Variants in AGMO observed in about 807,000 individuals in gnomAD.
AGMO encodes glyceryl-ether monooxygenase.
A neutral mutation model predicts 60.2 loss-of-function variants in AGMO; 75 were observed. The observed-to-expected ratio is 1.25, with a 90% CI of 1.03 to 1.51. AGMO has a LOEUF of 1.51. Ranked by LOEUF, AGMO falls within the 40% of genes most tolerant of loss-of-function variation. AGMO has a pLI of 0.00. For synonymous variants in AGMO, 261 were observed against 177.1 expected (o/e 1.47, Z -3.76); for missense variants, 763 against 525.5 (o/e 1.45, Z -4.42).
intron 5 of AGMO, 79 bp downstream of exon 5, chr7:15,418,479 A>G (rs1266212664): frequency 1.2e-6 from 1 of 847,918 alleles, no homozygotes; most frequent in African/African-American, 1.8e-5. Context: ...TACACAATAA[A>G]TCATCTGCTA....
At chr7:15,426,256 T>G (rs1781058259) in intron 4 of AGMO, among the ~76,000 whole-genome samples, 1 of 152,232 alleles carries the variant, frequency 6.6e-6, no homozygotes, top group South Asian at 2.1e-4. Context: ...TCTATTTCAT[T>G]CATTTATGTA....
In AGMO at chr7:15,201,216, T is replaced by C; in HGVS notation, c.*69A>G. 1.0e-6 allele frequency: 1 copy of C among 985,458 alleles called. No homozygotes were observed. The highest frequency in any genetic ancestry group is 1.5e-6 in the Non-Finnish European group (1 of 669,308). 61.0% of individuals were successfully genotyped at this position (985,458 alleles called of 1,614,324 possible). Reference sequence around the variant, plus strand: ...ATAAGCATTACATAAAATAATTACATTTTAATATGCAGTCATAATATGCGT... The same window carrying C: ...ATAAGCATTACATAAAATAATTACACTTTAATATGCAGTCATAATATGCGT... On this transcript the variant is annotated 3_prime_UTR_variant, in exon 13 of 13. Transcript: ENST00000342526.
chr7:15,412,378 G>A (rs1047901806), intron 5 of AGMO, among the ~76,000 whole-genome samples: 2 of 151,918 alleles, frequency 1.3e-5, no homozygotes, highest in African/African-American at 2.4e-5. Flanking sequence ...GTTAGGAGTC[G>A]TAGGCCAAAT....
the AGMO span, among the ~76,000 whole-genome samples, chr7:15,181,761 T>A: frequency 6.6e-6 from 1 of 152,178 alleles, no homozygotes; most frequent in African/African-American, 2.4e-5. Context: ...ATAGTTTTAG[T>A]ATGTACAGCT....
chr7:15,252,345 T>C (rs1038520138), intron 12 of AGMO, among the ~76,000 whole-genome samples: 1 of 152,204 alleles, frequency 6.6e-6, no homozygotes, highest in African/African-American at 2.4e-5. Flanking sequence ...CCCTGTGATA[T>C]TCCTTCCCTT....
intron 3 of AGMO, among the ~76,000 whole-genome samples, chr7:15,445,934 A>G (rs544508919): frequency 4.8e-4 from 69 of 144,244 alleles, no homozygotes; most frequent in African/African-American, 1.7e-3. Flanking sequence ...CAAATACAAG[A>G]AAAAAAATCG....
At chr7:15,355,439 C>G (rs1284338366) in intron 12 of AGMO, among the ~76,000 whole-genome samples, 2 of 139,680 alleles carry the variant, frequency 1.4e-5, no homozygotes, top group Admixed American at 7.6e-5. Flanking sequence ...GGAGGTGGAG[C>G]TTGCAGTGAG....
At chr7:15,548,119 G>A (rs1453125484) in intron 2 of AGMO, among the ~76,000 whole-genome samples, 1 of 152,006 alleles carries the variant, frequency 6.6e-6, no homozygotes, top group Non-Finnish European at 1.5e-5. Flanking sequence ...TCTGTTAGAA[G>A]GAAAACTAAC....
chr7:15,256,340 A>T (rs930102175), intron 12 of AGMO, among the ~76,000 whole-genome samples: 2 of 152,076 alleles, frequency 1.3e-5, no homozygotes, highest in African/African-American at 4.8e-5. Context: ...TGAAATTTTT[A>T]TTTTTATTTT....
In AGMO at chr7:15,385,439, T is replaced by G; in HGVS notation, c.1074+7A>C. On this transcript the variant is annotated splice_region_variant and intron_variant, in intron 10 of 12. Transcript: ENST00000342526. ...TTCTCACACTACTTAAAATGGATAT[T>G]ACTTACAGCTGTATCTGCAAAGGTC... 6.6e-7 allele frequency: 1 copy of G among 1,516,020 alleles called. No individual in the cohort carries two copies. The highest frequency in any genetic ancestry group is 1.1e-5 in the South Asian group (1 of 87,644). 93.9% of individuals were successfully genotyped at this position (1,516,020 alleles called of 1,614,324 possible). A position where few individuals can be genotyped will look rare whatever the true frequency, so the allele number is the denominator to read the frequency against.
chr7:15,479,456 C>A (rs1782691450), intron 3 of AGMO, among the ~76,000 whole-genome samples: 1 of 152,198 alleles, frequency 6.6e-6, no homozygotes, highest in South Asian at 2.1e-4. Context: ...GAACTAGGAT[C>A]TCCAGACTCC....
intron 3 of AGMO, among the ~76,000 whole-genome samples, chr7:15,443,579 C>T (rs1437799178): frequency 6.6e-6 from 1 of 152,010 alleles, no homozygotes; most frequent in African/African-American, 2.4e-5. Flanking sequence ...GCCTTATTAC[C>T]TCAACACCAT....
chr7:15,382,379 T>A (rs1487103784), intron 10 of AGMO, among the ~76,000 whole-genome samples: 1 of 152,132 alleles, frequency 6.6e-6, no homozygotes, highest in Non-Finnish European at 1.5e-5. Context: ...TACCACTGTA[T>A]CCTGAGGGCA....
intron 5 of AGMO, among the ~76,000 whole-genome samples, chr7:15,396,804 A>G (rs1784408318): frequency 6.6e-6 from 1 of 152,068 alleles, no homozygotes; most frequent in Admixed American, 6.5e-5. Context: ...TCCGTTTTAC[A>G]GAGAGCTGAT....
At chr7:15,147,142 T>C in the AGMO span, among the ~76,000 whole-genome samples, 1 of 152,140 alleles carries the variant, frequency 6.6e-6, no homozygotes, top group Non-Finnish European at 1.5e-5. Context: ...AGGTGGCTCA[T>C]GGTTCAGGAC....
rs777376057 is a variant in AGMO at position 15,561,879 on chromosome 7, T to G, written c.-34A>C. ...TTGTCTGATTCCCAGCTGGAGAATA[T>G]TTAGGATTCAATGCTTGAAGCCTGA... On this transcript the variant is annotated 5_prime_UTR_variant, in exon 1 of 13. Transcript: ENST00000342526. The G allele has an allele frequency of 4.3e-5, 68 of 1,573,372 alleles. No individual in the cohort carries two copies. The highest frequency in any genetic ancestry group is 5.4e-5 in the Non-Finnish European group (62 of 1,156,324).
At chr7:15,246,245 T>G (rs961350459) in intron 12 of AGMO, among the ~76,000 whole-genome samples, 12 of 152,302 alleles carry the variant, frequency 7.9e-5, no homozygotes, top group African/African-American at 2.9e-4. Flanking sequence ...TAAATAAGCG[T>G]TTTTTCCAAA....
At chr7:15,421,488 G>C (rs1780922579) in intron 4 of AGMO, among the ~76,000 whole-genome samples, 1 of 152,142 alleles carries the variant, frequency 6.6e-6, no homozygotes, top group African/African-American at 2.4e-5. Context: ...CCAGAGAAAA[G>C]TGATGCATAT....
intron 12 of AGMO, among the ~76,000 whole-genome samples, chr7:15,208,002 A>G (rs1017759342): frequency 7.2e-5 from 11 of 152,226 alleles, no homozygotes; most frequent in African/African-American, 2.7e-4. Context: ...ACTAACACAC[A>G]GAGAAAACTT....
Sources: gnomAD v4.1 joint callset for allele counts (sites outside exome capture counted in the v4.1 genomes callset) on GRCh38, gnomAD v4.1.1 for gene constraint, MANE v1.5 for transcripts, NCBI Gene and HGNC (gene_info 2026-07-23, HGNC 2026-07-21) for gene names.